Variants in SLC5A1 observed in about 807,000 individuals in gnomAD.
SLC5A1 encodes sodium/glucose cotransporter 1.
In SLC5A1, 42 loss-of-function variants were observed where a neutral mutation model predicts 73.5. That is an observed-to-expected ratio of 0.57 (90% confidence interval 0.45 to 0.74). SLC5A1 has a LOEUF of 0.74. SLC5A1 is among the 30% of genes least tolerant of loss of function. The probability of loss-of-function intolerance (pLI) is 0.00; values close to 1 mark genes in which losing one functional copy is unlikely to be tolerated. For missense variants in SLC5A1, 634 were observed against 855.4 expected, an observed-to-expected ratio of 0.74 and a Z score of 3.23; for synonymous variants, 300 against 317.4, an observed-to-expected ratio of 0.95 and a Z score of 0.58.
At position 32,102,163 on chromosome 22, in the gene SLC5A1, A is replaced by G. The variant is rs528745739; in HGVS notation, c.1591A>G (p.Ile531Val). ...TGGGGTGCACTACTTGTACTTTGCCATTATCCTCTTCGCCATTTCTTTCAT... is the reference window on the plus strand; with the variant it reads ...TGGGGTGCACTACTTGTACTTTGCCGTTATCCTCTTCGCCATTTCTTTCAT... ...ICGVHYLYFA[I>V]ILFAISFITI... Residue 531 changes from isoleucine (I) to valine (V), a missense_variant, in exon 13 of 15, where the codon ATT becomes GTT. This residue lies in a region of SLC5A1 where 161 missense variants were observed against 178.7 expected (regional missense o/e 0.90). Transcript: ENST00000266088. The G allele has an allele frequency of 6.2e-7, 1 of 1,614,024 alleles. No homozygotes were observed. Among genetic ancestry groups the G allele is most frequent in the Non-Finnish European group, 8.5e-7 (1 of 1,180,014 alleles).
chr22:32,060,596 G>A (rs1017699959), intron 2 of SLC5A1, among the ~76,000 whole-genome samples: 10 of 152,030 alleles, frequency 6.6e-5, no homozygotes, highest in African/African-American at 1.4e-4. Context: ...GAGGGGACAC[G>A]GTCTTATTCT....
At chr22:32,095,747 T>C (rs187901216) in intron 11 of SLC5A1, among the ~76,000 whole-genome samples, 1 of 152,324 alleles carries the variant, frequency 6.6e-6, no homozygotes, top group Admixed American at 6.5e-5. Context: ...TGAGTCCTTA[T>C]GTGTTAGGTG....
intron 2 of SLC5A1, among the ~76,000 whole-genome samples, chr22:32,063,766 T>C (rs1177979869): frequency 6.6e-6 from 1 of 152,170 alleles, no homozygotes; most frequent in Non-Finnish European, 1.5e-5. Flanking sequence ...ACAAGGGCTA[T>C]CTAGAAAGAG....
At chr22:32,079,416 T>A (rs189023641) in intron 5 of SLC5A1, among the ~76,000 whole-genome samples, 1 of 152,310 alleles carries the variant, frequency 6.6e-6, no homozygotes, top group East Asian at 1.9e-4. Context: ...AAATAGAATA[T>A]CATAAAAACA....
Position 32,057,707 on chromosome 22 carries a change from T to C in SLC5A1, c.207+7693T>C, listed in dbSNP as rs527392641. On this transcript the variant is annotated intron_variant, in intron 2 of 14. Transcript: ENST00000266088. ...CTTCTGGGCTACAATTTTATTTTCA[T>C]TGGAAAATAACAAGGTCAGCTGTAA... is the stretch of plus-strand genomic sequence containing the variant. Among the ~76,000 whole-genome samples the C allele has an allele frequency of 1.9e-4, 29 of 152,332 alleles. No homozygotes were observed. In the South Asian group the frequency reaches 5.8e-3, roughly 30 times the overall value.
At chr22:32,064,534 G>C (rs955402452) in intron 2 of SLC5A1, among the ~76,000 whole-genome samples, 4 of 150,546 alleles carry the variant, frequency 2.7e-5, no homozygotes, top group African/African-American at 7.3e-5. Flanking sequence ...TCCCCCTCAA[G>C]CTTTGAGCAG....
Position 32,067,988 on chromosome 22 carries a change from C to T in SLC5A1, c.334C>T (p.Leu112=), listed in dbSNP as rs1424187026. The change falls in exon 4 of 15, where the codon CTG becomes TTG. Residue 112 remains leucine, a synonymous_variant. Coordinates refer to ENST00000266088, the MANE Select transcript of SLC5A1 (RefSeq NM_000343.4). ...EWNALVLVVV[L]GWLFVPIYIK... ...TCAGGCCCTGGTTTTGGTGGTTGTGCTGGGCTGGCTGTTTGTCCCCATCTA... is the reference window on the plus strand; with the variant it reads ...TCAGGCCCTGGTTTTGGTGGTTGTGTTGGGCTGGCTGTTTGTCCCCATCTA... The T allele has an allele frequency of 7.4e-6, 12 of 1,614,020 alleles. No individual in the cohort carries two copies. Among genetic ancestry groups the T allele is most frequent in the Non-Finnish European group, 9.3e-6 (11 of 1,180,020 alleles).
chr22:32,082,174 T>C (rs1956925715), intron 6 of SLC5A1, among the ~76,000 whole-genome samples: 1 of 152,130 alleles, frequency 6.6e-6, no homozygotes, highest in South Asian at 2.1e-4. Context: ...TGGTGTTGGC[T>C]GGGATAGTCA....
intron 2 of SLC5A1, among the ~76,000 whole-genome samples, chr22:32,052,675 T>G (rs181697497): frequency 7.9e-5 from 12 of 152,320 alleles, no homozygotes; most frequent in East Asian, 5.8e-4. Context: ...GTGCTCTTAC[T>G]TATCCCAGTG....
intron 5 of SLC5A1, among the ~76,000 whole-genome samples, chr22:32,076,565 G>T (rs2093991253): frequency 6.6e-6 from 1 of 152,220 alleles, no homozygotes; most frequent in Admixed American, 6.5e-5. Flanking sequence ...ATCCTTGGGT[G>T]AAAAGAAGAG....
At chr22:32,053,420 C>T (rs975367397) in intron 2 of SLC5A1, among the ~76,000 whole-genome samples, 3 of 151,630 alleles carry the variant, frequency 2.0e-5, no homozygotes, top group African/African-American at 4.9e-5. Context: ...CTTTCTCTCC[C>T]CTTCATCCTT....
intron 1 of SLC5A1, among the ~76,000 whole-genome samples, chr22:32,044,562 A>C (rs556525132): frequency 6.6e-6 from 1 of 151,796 alleles, no homozygotes; most frequent in South Asian, 2.1e-4. Context: ...GATGTGGCAG[A>C]ATGCCTCCCA....
At chr22:32,057,305 T>C (rs1237026713) in intron 2 of SLC5A1, among the ~76,000 whole-genome samples, 3 of 152,210 alleles carry the variant, frequency 2.0e-5, no homozygotes, top group African/African-American at 4.8e-5. Flanking sequence ...CTCACTCTGT[T>C]GCCCAAGCTG....
intron 12 of SLC5A1, among the ~76,000 whole-genome samples, chr22:32,099,879 A>G (rs1341414481): frequency 6.6e-6 from 1 of 152,236 alleles, no homozygotes; most frequent in African/African-American, 2.4e-5. Flanking sequence ...GTGAAGACAA[A>G]GTCCTGGTGC....
intron 2 of SLC5A1, among the ~76,000 whole-genome samples, chr22:32,063,230 C>T (rs743764): frequency 0.045 from 6,826 of 152,264 alleles, 209 homozygotes; most frequent in Non-Finnish European, 0.07. Flanking sequence ...GCAGAGAGGA[C>T]ACAATTCTGT....
intron 10 of SLC5A1, among the ~76,000 whole-genome samples, chr22:32,086,821 A>G (rs1404622791): frequency 6.6e-6 from 1 of 152,232 alleles, no homozygotes; most frequent in East Asian, 1.9e-4. Flanking sequence ...CATTGTTCAC[A>G]GTAGTCAAGA....
intron 14 of SLC5A1, among the ~76,000 whole-genome samples, chr22:32,108,929 ATT>A (rs2094051170): frequency 6.6e-6 from 1 of 152,102 alleles, no homozygotes; most frequent in Non-Finnish European, 1.5e-5. Context: ...TAATCCCAAC[ATT>A]TTGGGAGGCC....
At chr22:32,057,761 A>G (rs2093954032) in intron 2 of SLC5A1, among the ~76,000 whole-genome samples, 1 of 152,238 alleles carries the variant, frequency 6.6e-6, no homozygotes, top group Admixed American at 6.5e-5. Context: ...CAGCTCTAAC[A>G]TCACATGAGC....
chr22:32,109,876 T>G (rs1370648323), intron 14 of SLC5A1, 114 bp from the exon 15 acceptor site: 2 of 787,050 alleles, frequency 2.5e-6, no homozygotes, highest in Non-Finnish European at 4.3e-6. Flanking sequence ...AAATTTCTCA[T>G]TTTTGGGAAA....
Sources: gnomAD v4.1 joint callset for allele counts (sites outside exome capture counted in the v4.1 genomes callset) on GRCh38, gnomAD v4.1.1 for gene constraint, gnomAD v4.1.1 regional missense constraint, MANE v1.5 for transcripts, NCBI Gene and HGNC (gene_info 2026-07-23, HGNC 2026-07-21) for gene names.